APP: variants seen among roughly 807,000 people sequenced by gnomAD.
The protein encoded by APP is amyloid-beta precursor protein.
In APP, 31 loss-of-function variants were observed where a neutral mutation model predicts 101.4. The observed-to-expected ratio is 0.31, with a 90% confidence interval of 0.23 to 0.41. The LOEUF is 0.41. APP is among the 10% of genes least tolerant of loss of function. APP has a pLI of 1.00. For missense variants in APP, 839 were observed against 1,003.7 expected (o/e 0.84, Z 2.22); for synonymous variants, 366 against 364.4 (o/e 1.00, Z -0.05).
chr21:25,884,367 CAG>C (rs2037187325), intron 17 of APP, among the ~76,000 whole-genome samples: 1 of 152,216 alleles, frequency 6.6e-6, no homozygotes, highest in African/African-American at 2.4e-5. Flanking sequence ...GGCCAGTACT[CAG>C]AGGACTCTGC....
intron 13 of APP, chr21:25,935,304 A>C (rs1216596226): frequency 6.6e-6 from 1 of 152,088 alleles, no homozygotes; most frequent in Non-Finnish European, 1.5e-5. Flanking sequence ...TGTGTATTTA[A>C]AAAAAAATCT....
At chr21:25,989,905 TA>T (rs200986506) in intron 8 of APP, among the ~76,000 whole-genome samples, 11 of 140,368 alleles carry the variant, frequency 7.8e-5, no homozygotes, top group Admixed American at 1.4e-4. Flanking sequence ...TATTATAACT[TA>T]AAAAAAAAGT....
chr21:26,109,689 G>T (rs543314025), intron 2 of APP, among the ~76,000 whole-genome samples: 3 of 139,488 alleles, frequency 2.2e-5, no homozygotes, highest in African/African-American at 8.7e-5. Flanking sequence ...AAGTGAAACG[G>T]GAAAAGAGGG....
chr21:26,054,746 T>C (rs577837176), intron 3 of APP, among the ~76,000 whole-genome samples: 13 of 146,966 alleles, frequency 8.8e-5, no homozygotes, highest in African/African-American at 3.0e-4. Flanking sequence ...AGGCAAAACA[T>C]GCAAGAATAG....
intron 11 of APP, among the ~76,000 whole-genome samples, chr21:25,964,749 C>T (rs12482314): frequency 0.3 from 45,856 of 151,508 alleles, 7,288 homozygotes; most frequent in Middle Eastern, 0.36. Context: ...TACAGGCATG[C>T]GCCACCATGC....
chr21:26,150,606 C>CAGATAGATAGATAGAT (rs775175694), intron 1 of APP, among the ~76,000 whole-genome samples: 9,719 of 148,586 alleles, frequency 0.065, 387 homozygotes, highest in African/African-American at 0.098. Flanking sequence ...TCTAGATAGA[C>CAGATAGATAGATAGAT]AGATAGATAG....
At chr21:26,138,354 A>G (rs2062965057) in intron 1 of APP, among the ~76,000 whole-genome samples, 1 of 152,124 alleles carries the variant, frequency 6.6e-6, no homozygotes, top group Non-Finnish European at 1.5e-5. Flanking sequence ...CAAATATTGT[A>G]CATGTTATAG....
intron 14 of APP, among the ~76,000 whole-genome samples, chr21:25,911,531 G>A (rs1373849845): frequency 6.6e-6 from 1 of 151,782 alleles, no homozygotes; most frequent in African/African-American, 2.4e-5. Flanking sequence ...AAAATATAAA[G>A]AATAATTTAC....
chr21:26,162,268 A>G (rs2063507755), intron 1 of APP, among the ~76,000 whole-genome samples: 1 of 152,206 alleles, frequency 6.6e-6, no homozygotes, highest in Non-Finnish European at 1.5e-5. Context: ...GGCCACGGCT[A>G]CAGATCACAC....
chr21:26,151,821 G>A (rs575342285), intron 1 of APP, among the ~76,000 whole-genome samples: 1 of 152,236 alleles, frequency 6.6e-6, no homozygotes, highest in African/African-American at 2.4e-5. Flanking sequence ...CTCCTAACAC[G>A]CCACAGACCG....
intron 13 of APP, chr21:25,942,325 T>C (rs963825375): frequency 6.6e-6 from 1 of 152,204 alleles, no homozygotes; most frequent in Non-Finnish European, 1.5e-5. Context: ...CTGGAATAGA[T>C]TCAGTCTTTA....
chr21:26,109,477 A>G (rs2062263188), intron 2 of APP, among the ~76,000 whole-genome samples: 1 of 152,146 alleles, frequency 6.6e-6, no homozygotes, highest in Non-Finnish European at 1.5e-5. Flanking sequence ...ACCTCCTGCC[A>G]TGATTCTAAG....
At chr21:25,948,419 T>C (rs1569093784) in intron 13 of APP, among the ~76,000 whole-genome samples, 1 of 152,190 alleles carries the variant, frequency 6.6e-6, no homozygotes, top group Admixed American at 6.5e-5. Context: ...CACAGTAAAA[T>C]TGTAATAAAA....
intron 11 of APP, among the ~76,000 whole-genome samples, chr21:25,965,637 A>G (rs2041767687): frequency 6.6e-6 from 1 of 152,142 alleles, no homozygotes; most frequent in Non-Finnish European, 1.5e-5. Context: ...TCCATGGTCA[A>G]CCTTCACAAA....
chr21:26,027,645 G>A (rs2044637241), intron 5 of APP, among the ~76,000 whole-genome samples: 1 of 152,140 alleles, frequency 6.6e-6, no homozygotes, highest in Admixed American at 6.5e-5. Context: ...CCAGTAACTG[G>A]CAGGGGCCAG....
At chr21:26,082,194 G>C (rs2061612775) in intron 3 of APP, among the ~76,000 whole-genome samples, 2 of 151,972 alleles carry the variant, frequency 1.3e-5, no homozygotes, top group Admixed American at 6.6e-5. Flanking sequence ...ACTCCAGCCG[G>C]GGCAACAAGA....
intron 1 of APP, among the ~76,000 whole-genome samples, chr21:26,163,065 T>TAAA (rs140862192): frequency 8.1e-6 from 1 of 123,526 alleles, no homozygotes; most frequent in African/African-American, 3.0e-5. Context: ...CTGTCTCTAC[T>TAAA]AAAAAAAAAA....
chr21:25,929,717 T>G (rs1451138244), intron 13 of APP, among the ~76,000 whole-genome samples: 1 of 152,216 alleles, frequency 6.6e-6, no homozygotes, highest in Admixed American at 6.5e-5. Context: ...ATGCTTTCAG[T>G]GAGGACCAGA....
At chr21:25,934,450 T>C (rs1222136500) in intron 13 of APP, 4 of 152,152 alleles carry the variant, frequency 2.6e-5, no homozygotes, top group Admixed American at 2.6e-4. Context: ...GTTTCTTTTT[T>C]TTTGAGATGG....
Sources: gnomAD v4.1 joint callset for allele counts (sites outside exome capture counted in the v4.1 genomes callset) on GRCh38, gnomAD v4.1.1 for gene constraint, MANE v1.5 for transcripts, NCBI Gene and HGNC (gene_info 2026-07-23, HGNC 2026-07-21) for gene names.